Variants in LRRTM4 observed in about 807,000 individuals in gnomAD.
LRRTM4 encodes the protein leucine rich repeat transmembrane neuronal 4.
Under a neutral mutation model 47.6 loss-of-function variants are expected in LRRTM4, and 25 were observed. The ratio of observed to expected loss-of-function variants is 0.53; its 90% CI spans 0.38 to 0.73. The LOEUF (loss-of-function observed/expected upper bound fraction) is 0.73. Among genes scored for constraint, LRRTM4 ranks in the 30% least tolerant of loss-of-function variants. The pLI is 0.00. For synonymous variants in LRRTM4, 311 were observed against 269.5 expected, an observed-to-expected ratio of 1.15 and a Z score of -1.51; for missense variants, 638 against 713.4, an observed-to-expected ratio of 0.89 and a Z score of 1.20.
At chr2:77,314,232 T>G (rs1024839281) in intron 3 of LRRTM4, among the ~76,000 whole-genome samples, 1 of 152,192 alleles carries the variant, frequency 6.6e-6, no homozygotes. Flanking sequence ...ATATAACTCT[T>G]CATACTGTAG....
chr2:76,951,132 T>C (rs1382397133), intron 3 of LRRTM4, among the ~76,000 whole-genome samples: 1 of 152,082 alleles, frequency 6.6e-6, no homozygotes, highest in Non-Finnish European at 1.5e-5. Context: ...CTCTGAATAA[T>C]AGTTGGAAAA....
At chr2:77,300,176 A>G (rs1490887596) in intron 3 of LRRTM4, among the ~76,000 whole-genome samples, 1 of 152,128 alleles carries the variant, frequency 6.6e-6, no homozygotes, top group Admixed American at 6.6e-5. Flanking sequence ...AGTTTATTTC[A>G]AGCCAACAGT....
chr2:77,379,783 T>G (rs963643922), intron 3 of LRRTM4, among the ~76,000 whole-genome samples: 6 of 152,136 alleles, frequency 3.9e-5, no homozygotes, highest in African/African-American at 1.4e-4. Context: ...GGTAATTATT[T>G]TTCTCAACAA....
chr2:77,474,928 A>G (rs1296598948), intron 3 of LRRTM4, among the ~76,000 whole-genome samples: 16 of 152,120 alleles, frequency 1.1e-4, no homozygotes, highest in Non-Finnish European at 2.2e-4. Context: ...AGGCAGCATC[A>G]CAGCATGATA....
At chr2:76,955,711 G>T (rs1675650766) in intron 3 of LRRTM4, among the ~76,000 whole-genome samples, 1 of 151,702 alleles carries the variant, frequency 6.6e-6, no homozygotes, top group Non-Finnish European at 1.5e-5. Context: ...AAAAACAGAA[G>T]AAGATGCAGG....
chr2:77,502,156 G>T (rs10194019), intron 3 of LRRTM4, among the ~76,000 whole-genome samples: 6,406 of 151,378 alleles, frequency 0.042, 465 homozygotes, highest in African/African-American at 0.15. Flanking sequence ...AATGCTTACT[G>T]ATATATAAAC....
chr2:77,120,631 G>A lies in LRRTM4; in HGVS notation c.1552-371715C>T, dbSNP rs528098398. The stretch of plus-strand genomic sequence containing the variant: ...CTGATGCATACTTCCTAATCAGACT[G>A]AAGCATTTCTTTTGTAACTCACTTT... On this transcript the variant is annotated intron_variant, in intron 3 of 3. Transcript: ENST00000409884. 2.2e-4 allele frequency among the ~76,000 whole-genome samples: 33 copies of A among 151,890 alleles called. 1 individual carries two copies. In the South Asian group the frequency reaches 6.6e-3, roughly 31 times the overall value.
chr2:76,863,536 G>A (rs1056370705), intron 3 of LRRTM4, among the ~76,000 whole-genome samples: 2 of 152,022 alleles, frequency 1.3e-5, no homozygotes, highest in Non-Finnish European at 2.9e-5. Context: ...TAGTGTAGTA[G>A]GTATAAGATA....
intron 3 of LRRTM4, among the ~76,000 whole-genome samples, chr2:77,005,486 AG>A (rs1677608411): frequency 6.6e-6 from 1 of 152,246 alleles, no homozygotes; most frequent in South Asian, 2.1e-4. Context: ...AGGAGGGGCC[AG>A]GGGTGCAATG....
intron 3 of LRRTM4, among the ~76,000 whole-genome samples, chr2:76,819,729 T>C (rs758483070): frequency 5.9e-5 from 9 of 151,948 alleles, no homozygotes; most frequent in South Asian, 2.1e-4. Flanking sequence ...AGATCTTTCA[T>C]TGAGAAAATA....
intron 3 of LRRTM4, among the ~76,000 whole-genome samples, chr2:77,016,403 G>C (rs1355002111): frequency 6.7e-6 from 1 of 149,760 alleles, no homozygotes; most frequent in Non-Finnish European, 1.5e-5. Context: ...AAAAAAAAGA[G>C]TGAGGAAGAA....
chr2:77,177,521 T>C (rs1206025794), intron 3 of LRRTM4, among the ~76,000 whole-genome samples: 1 of 152,154 alleles, frequency 6.6e-6, no homozygotes, highest in Non-Finnish European at 1.5e-5. Context: ...TTTTCTCCAG[T>C]CTCTTAAAAG....
chr2:76,896,280 A>G (rs1673414903), intron 3 of LRRTM4, among the ~76,000 whole-genome samples: 1 of 152,018 alleles, frequency 6.6e-6, no homozygotes. Context: ...GGTCCAAATG[A>G]TCACTTCAAA....
At chr2:76,897,234 C>A (rs896493095) in intron 3 of LRRTM4, among the ~76,000 whole-genome samples, 2 of 152,102 alleles carry the variant, frequency 1.3e-5, no homozygotes, top group African/African-American at 4.8e-5. Flanking sequence ...ACCTTCCATG[C>A]TGCATTTAGA....
At chr2:77,084,989 TG>T (rs1680662771) in intron 3 of LRRTM4, among the ~76,000 whole-genome samples, 1 of 152,164 alleles carries the variant, frequency 6.6e-6, no homozygotes, top group South Asian at 2.1e-4. Context: ...TTTTGTTATG[TG>T]AAAAAGCTTA....
intron 3 of LRRTM4, among the ~76,000 whole-genome samples, chr2:77,369,583 T>G (rs568280307): frequency 6.6e-6 from 1 of 151,806 alleles, no homozygotes; most frequent in Non-Finnish European, 1.5e-5. Flanking sequence ...AATAGATATG[T>G]TAATTTGTTC....
intron 3 of LRRTM4, among the ~76,000 whole-genome samples, chr2:76,888,188 T>C (rs941890621): frequency 1.3e-5 from 2 of 151,256 alleles, no homozygotes; most frequent in Admixed American, 1.3e-4. Flanking sequence ...GAAGAAATAC[T>C]TTAGCTGTGA....
In LRRTM4 at chr2:77,346,925, G is replaced by A. The variant is rs140355536; in HGVS notation, c.1551+171393C>T. Among the ~76,000 whole-genome samples, 78 of 152,104 alleles carry A rather than the reference G, an allele frequency of 5.1e-4. No homozygotes were observed. The Middle Eastern group carries it at 0.017, about 33-fold the overall frequency. On this transcript the variant is annotated intron_variant, in intron 3 of 3. Transcript: ENST00000409884. ...CTACTCAAAACATGAAAATTTATGTGTGTGATGCGACATATTCTCCATTCT... is the reference window on the plus strand; with the variant it reads ...CTACTCAAAACATGAAAATTTATGTATGTGATGCGACATATTCTCCATTCT...
intron 3 of LRRTM4, among the ~76,000 whole-genome samples, chr2:77,049,125 TATA>T (rs1679335561): frequency 2.8e-5 from 2 of 72,568 alleles, no homozygotes; most frequent in Non-Finnish European, 5.3e-5. Flanking sequence ...TCATTTTTTA[TATA>T]TATATATATA....
Sources: gnomAD v4.1 joint callset for allele counts (sites outside exome capture counted in the v4.1 genomes callset) on GRCh38, gnomAD v4.1.1 for gene constraint, MANE v1.5 for transcripts, NCBI Gene and HGNC (gene_info 2026-07-23, HGNC 2026-07-21) for gene names.